The following PDE1A variants were observed in gnomAD, a reference collection of about 807,000 sequenced individuals.
PDE1A encodes the protein phosphodiesterase 1A, also known as dual specificity calcium/calmodulin-dependent 3',5'-cyclic nucleotide phosphodiesterase 1A.
Under a neutral mutation model 61.7 loss-of-function variants are expected in PDE1A, and 35 were observed. The ratio of observed to expected loss-of-function variants is 0.57; its 90% CI spans 0.43 to 0.75. The LOEUF (loss-of-function observed/expected upper bound fraction) is 0.75. PDE1A is among the 30% of genes least tolerant of loss of function. PDE1A has a pLI of 0.00. For synonymous variants in PDE1A, 232 were observed against 213.2 expected, an observed-to-expected ratio of 1.09 and a Z score of -0.77; for missense variants, 597 against 630.6, an observed-to-expected ratio of 0.95 and a Z score of 0.57.
intron 1 of PDE1A, among the ~76,000 whole-genome samples, chr2:182,409,860 G>GACATTTATATC (rs1288793377): frequency 6.6e-6 from 1 of 152,078 alleles, no homozygotes; most frequent in African/African-American, 2.4e-5. Context: ...TCATGATAAA[G>GACATTTATATC]ACATTTATAT....
the PDE1A span, among the ~76,000 whole-genome samples, chr2:182,620,066 G>T: frequency 5.3e-5 from 8 of 152,208 alleles, no homozygotes; most frequent in Admixed American, 2.6e-4. Flanking sequence ...CATGAGTTTT[G>T]GAGGGGATGA....
exon 14 of PDE1A, chr2:182,147,075 G>A (rs199951955): frequency 1.6e-5 from 26 of 1,586,172 alleles, no homozygotes; most frequent in South Asian, 1.5e-4. Context: ...AAGGTGTTTC[G>A]GGCCTATGAA....
chr2:182,185,327 C>CA (rs947650783), intron 13 of PDE1A, among the ~76,000 whole-genome samples: 1 of 152,172 alleles, frequency 6.6e-6, no homozygotes, highest in Non-Finnish European at 1.5e-5. Flanking sequence ...TACTAACTCA[C>CA]AAACCTACTA....
At chr2:182,300,146 A>T (rs1186425388) in intron 1 of PDE1A, among the ~76,000 whole-genome samples, 1 of 152,222 alleles carries the variant, frequency 6.6e-6, no homozygotes, top group Non-Finnish European at 1.5e-5. Context: ...TGGCCTCTTC[A>T]GATTTTCAAG....
chr2:182,688,767 C>A, the PDE1A span, among the ~76,000 whole-genome samples: 1 of 152,148 alleles, frequency 6.6e-6, no homozygotes, highest in Non-Finnish European at 1.5e-5. Flanking sequence ...CATCAGTCTG[C>A]TGTATTCAGG....
At chr2:182,470,529 G>T (rs527998592) in intron 2 of PDE1A, among the ~76,000 whole-genome samples, 1 of 151,950 alleles carries the variant, frequency 6.6e-6, no homozygotes, top group South Asian at 2.1e-4. Flanking sequence ...GTAAGAGAGA[G>T]AAATAGGAAA....
intron 10 of PDE1A, among the ~76,000 whole-genome samples, chr2:182,198,949 G>A (rs532545553): frequency 4.6e-5 from 7 of 151,878 alleles, no homozygotes; most frequent in African/African-American, 7.2e-5. Context: ...AATTGAAATC[G>A]GAAATAAGAA....
intron 2 of PDE1A, among the ~76,000 whole-genome samples, chr2:182,441,780 C>T (rs62188269): frequency 0.16 from 25,018 of 152,048 alleles, 2,405 homozygotes; most frequent in Middle Eastern, 0.32. Context: ...AAAGAACATA[C>T]AAATGAGCTT....
chr2:182,601,315 C>T, the PDE1A span, among the ~76,000 whole-genome samples: 2 of 152,218 alleles, frequency 1.3e-5, no homozygotes, highest in African/African-American at 4.8e-5. Flanking sequence ...GCAGCTGGAC[C>T]AGCTACACTG....
chr2:182,410,105 A>C (rs1372347703), intron 1 of PDE1A, among the ~76,000 whole-genome samples: 6 of 152,276 alleles, frequency 3.9e-5, no homozygotes, highest in African/African-American at 1.4e-4. Context: ...TAATCCCAGC[A>C]CTTTGGGAGG....
intron 2 of PDE1A, among the ~76,000 whole-genome samples, chr2:182,248,037 A>T (rs10184548): frequency 0.26 from 39,193 of 151,974 alleles, 5,373 homozygotes; most frequent in Middle Eastern, 0.41. Context: ...TTTCCTTAGG[A>T]ATTCTTAAAA....
At chr2:182,258,026 G>A (rs924776424) in intron 2 of PDE1A, among the ~76,000 whole-genome samples, 4 of 152,030 alleles carry the variant, frequency 2.6e-5, no homozygotes, top group African/African-American at 9.7e-5. Context: ...AAATTAGCTG[G>A]GTGTGGTGGC....
intron 2 of PDE1A, among the ~76,000 whole-genome samples, chr2:182,488,469 T>C (rs78777449): frequency 2.4e-3 from 358 of 152,306 alleles, no homozygotes; most frequent in African/African-American, 8.1e-3. Flanking sequence ...AGTTCAGATA[T>C]CCACTTTATT....
chr2:182,174,957 A>G (rs960816197), intron 13 of PDE1A, among the ~76,000 whole-genome samples: 1 of 151,984 alleles, frequency 6.6e-6, no homozygotes, highest in Admixed American at 6.6e-5. Context: ...ATGTGTTCTC[A>G]TTATTCAAGT....
intron 13 of PDE1A, among the ~76,000 whole-genome samples, chr2:182,153,327 T>C (rs1047482345): frequency 5.3e-5 from 8 of 152,144 alleles, no homozygotes; most frequent in Non-Finnish European, 1.0e-4. Flanking sequence ...AGGAGTATGC[T>C]GTTAGTGAAG....
rs911693818 is a variant in PDE1A, at chr2:182,426,689, T to C, written c.-59A>G. The C allele has an allele frequency of 5.1e-5, 82 of 1,611,646 alleles. No individual in the cohort carries two copies. The East Asian group carries it at 1.7e-3, about 34-fold the overall frequency. On this transcript the variant is annotated 5_prime_UTR_variant, in exon 1 of 14. Transcript: ENST00000351439. Reference sequence around the variant, plus strand: ...CACTCCAGAAACTCCAGAGAGGAAATGTGGAAGCTTATCCTGATCTATTGT... The same window carrying C: ...CACTCCAGAAACTCCAGAGAGGAAACGTGGAAGCTTATCCTGATCTATTGT...
At chr2:182,431,854 CAG>C (rs1680956046), upstream of PDE1A, among the ~76,000 whole-genome samples, 1 of 151,818 alleles carries the variant, frequency 6.6e-6, no homozygotes, top group African/African-American at 2.4e-5. Flanking sequence ...CTTACCACTC[CAG>C]AGAGTTTCTA....
chr2:182,602,023 C>A, the PDE1A span, among the ~76,000 whole-genome samples: 1 of 152,222 alleles, frequency 6.6e-6, no homozygotes, highest in African/African-American at 2.4e-5. Context: ...CACTGGGGAC[C>A]TTCCCCCTTC....
At chr2:182,470,832 C>G (rs1275812923) in intron 2 of PDE1A, among the ~76,000 whole-genome samples, 1 of 151,758 alleles carries the variant, frequency 6.6e-6, no homozygotes, top group East Asian at 1.9e-4. Context: ...AGGTTTTGCA[C>G]AAGGAGCATT....
Sources: gnomAD v4.1 joint callset for allele counts (sites outside exome capture counted in the v4.1 genomes callset) on GRCh38, gnomAD v4.1.1 for gene constraint, MANE v1.5 for transcripts, NCBI Gene and HGNC (gene_info 2026-07-23, HGNC 2026-07-21) for gene names.